ZNF385D: variants seen among roughly 807,000 people sequenced by gnomAD.
The protein encoded by ZNF385D is zinc finger protein 659.
Under a neutral mutation model 35.8 loss-of-function variants are expected in ZNF385D, and 15 were observed. The ratio of observed to expected loss-of-function variants is 0.42; its 90% CI spans 0.28 to 0.64. ZNF385D has a LOEUF of 0.64. Among genes scored for constraint, ZNF385D ranks in the 30% least tolerant of loss-of-function variants. The pLI is 0.23. For synonymous variants in ZNF385D, 212 were observed against 186.8 expected, an observed-to-expected ratio of 1.13 and a Z score of -1.10; for missense variants, 474 against 494.6, an observed-to-expected ratio of 0.96 and a Z score of 0.39.
intron 2 of ZNF385D, among the ~76,000 whole-genome samples, chr3:22,337,113 A>G (rs1342177190): frequency 7.9e-5 from 12 of 152,168 alleles, no homozygotes; most frequent in African/African-American, 4.8e-5. Flanking sequence ...AGTCATTTCA[A>G]TGATGTTTTA....
chr3:21,596,096 C>G (rs768434166), intron 2 of ZNF385D, among the ~76,000 whole-genome samples: 5 of 152,098 alleles, frequency 3.3e-5, no homozygotes, highest in Non-Finnish European at 7.4e-5. Flanking sequence ...CATTTAGTTG[C>G]TGAAATTCAT....
intron 2 of ZNF385D, among the ~76,000 whole-genome samples, chr3:21,636,319 G>A (rs1455795707): frequency 1.6e-5 from 2 of 126,870 alleles, no homozygotes; most frequent in African/African-American, 6.0e-5. Context: ...TATAGATATA[G>A]ATATATAGAT....
At chr3:21,525,684 C>CAAA (rs11308733) in intron 3 of ZNF385D, among the ~76,000 whole-genome samples, 15 of 88,368 alleles carry the variant, frequency 1.7e-4, no homozygotes, top group Non-Finnish European at 2.4e-4. Flanking sequence ...AATTCCATCT[C>CAAA]AAAAAAAAAA....
chr3:22,250,446 G>C (rs1700006197), intron 2 of ZNF385D, among the ~76,000 whole-genome samples: 1 of 151,946 alleles, frequency 6.6e-6, no homozygotes, highest in African/African-American at 2.4e-5. Flanking sequence ...CATTTATTTA[G>C]GTTGCAATGA....
chr3:21,421,308 A>T lies in ZNF385D; in HGVS notation c.1094T>A (p.Leu365Gln). 6.2e-7 allele frequency: 1 copy of T among 1,614,148 alleles called. No homozygotes were observed. Among genetic ancestry groups the T allele is most frequent in the Non-Finnish European group, 8.5e-7 (1 of 1,180,016 alleles). The change falls in exon 8 of 8, where the codon CTG becomes CAG. Residue 365 changes from leucine to glutamine, a missense_variant. Transcript: ENST00000281523. ...FSLRTAPAAT[L>Q]FQTSALPPAL... is the part of the protein sequence containing the mutation. ...CGGAGGAAGCGCGGAAGTCTGGAAC[A>T]GTGTTGCTGCTGGAGCAGTTCGAAG...
At chr3:22,298,212 G>A (rs1233216027) in intron 2 of ZNF385D, among the ~76,000 whole-genome samples, 1 of 151,770 alleles carries the variant, frequency 6.6e-6, no homozygotes, top group African/African-American at 2.4e-5. Context: ...AAGACACACA[G>A]TAGTCAAAGA....
intron 3 of ZNF385D, among the ~76,000 whole-genome samples, chr3:21,803,487 A>C (rs2072501344): frequency 6.6e-6 from 1 of 152,194 alleles, no homozygotes; most frequent in Admixed American, 6.5e-5. Context: ...ACTAAGCCTA[A>C]ATATTCTGTA....
chr3:21,527,630 T>G (rs1389096562), intron 3 of ZNF385D, among the ~76,000 whole-genome samples: 1 of 152,288 alleles, frequency 6.6e-6, no homozygotes, highest in East Asian at 1.9e-4. Flanking sequence ...AGATTAGTAT[T>G]TTAAGATTGA....
chr3:21,641,684 C>G lies in ZNF385D; in HGVS notation c.165+23202G>C, dbSNP rs557411273. 4.8e-5 allele frequency among the ~76,000 whole-genome samples: 7 copies of G among 146,040 alleles called. No individual in the cohort carries two copies. The South Asian group carries it at 8.6e-4, about 18-fold the overall frequency. On this transcript the variant is annotated intron_variant, in intron 2 of 7. Transcript: ENST00000281523. ...AGAGATGGGGTTTTGCCATGTTGCC[C>G]AGATTGATCTTGAACTCCTGAACTC...
rs77530535 is a variant in ZNF385D at position 22,187,058 on chromosome 3, C to T, written c.107-18023G>A. The stretch of plus-strand genomic sequence containing the variant: ...TCAGGCACTGGCTTTAGACTCAGGG[C>T]GTAATGACATACCAGATTATAACAA... On this transcript the variant is annotated intron_variant, in intron 2 of 5. Transcript: ENST00000494108. Among the ~76,000 whole-genome samples the T allele has an allele frequency of 1.3e-3, 191 of 152,114 alleles. 3 individuals are homozygous for T. The East Asian group carries it at 0.025, about 20-fold the overall frequency.
intron 3 of ZNF385D, among the ~76,000 whole-genome samples, chr3:21,789,667 C>A (rs982534665): frequency 2.0e-5 from 3 of 152,086 alleles, no homozygotes; most frequent in African/African-American, 7.2e-5. Context: ...CAGAAAAGAG[C>A]CTCATTTGCC....
At chr3:21,738,579 AT>A (rs1276064545) in intron 1 of ZNF385D, among the ~76,000 whole-genome samples, 2 of 152,176 alleles carry the variant, frequency 1.3e-5, no homozygotes, top group African/African-American at 4.8e-5. Context: ...GCTCAGGACA[AT>A]TCACCCAAAT....
intron 1 of ZNF385D, among the ~76,000 whole-genome samples, chr3:21,729,753 A>G (rs1408557743): frequency 2.6e-5 from 4 of 152,186 alleles, no homozygotes; most frequent in Non-Finnish European, 5.9e-5. Context: ...CAGGGGGATG[A>G]CATCCACTCA....
intron 3 of ZNF385D, among the ~76,000 whole-genome samples, chr3:21,908,186 G>T (rs974450130): frequency 7.1e-6 from 1 of 141,588 alleles, no homozygotes; most frequent in East Asian, 1.9e-4. Flanking sequence ...ATGTATAAAG[G>T]ATTCTAGGGA....
intron 3 of ZNF385D, among the ~76,000 whole-genome samples, chr3:22,130,032 T>G (rs562477925): frequency 1.3e-5 from 2 of 152,244 alleles, no homozygotes; most frequent in South Asian, 4.2e-4. Context: ...GCCAGCAGGT[T>G]GTAAATTCTG....
chr3:22,099,698 C>G (rs1407445144), intron 3 of ZNF385D, among the ~76,000 whole-genome samples: 1 of 151,922 alleles, frequency 6.6e-6, no homozygotes, highest in Non-Finnish European at 1.5e-5. Flanking sequence ...GACCCTGAAG[C>G]ATGGCGGGGA....
chr3:22,111,050 T>C (rs1702492926), intron 3 of ZNF385D, among the ~76,000 whole-genome samples: 2 of 151,788 alleles, frequency 1.3e-5, no homozygotes, highest in Non-Finnish European at 2.9e-5. Flanking sequence ...CAAATTAAAA[T>C]GCTATTAATT....
chr3:22,204,879 G>C (rs2728975), intron 2 of ZNF385D, among the ~76,000 whole-genome samples: 2 of 150,620 alleles, frequency 1.3e-5, no homozygotes, highest in African/African-American at 4.9e-5. Flanking sequence ...AGCCTCAAAA[G>C]GGCAAATCTA....
chr3:22,064,603 A>G (rs1439130894), intron 3 of ZNF385D, among the ~76,000 whole-genome samples: 2 of 152,200 alleles, frequency 1.3e-5, no homozygotes, highest in Admixed American at 6.5e-5. Context: ...TTGCTATTCA[A>G]CCTTATAAAA....
Sources: gnomAD v4.1 joint callset for allele counts (sites outside exome capture counted in the v4.1 genomes callset) on GRCh38, gnomAD v4.1.1 for gene constraint, MANE v1.5 for transcripts, NCBI Gene and HGNC (gene_info 2026-07-23, HGNC 2026-07-21) for gene names.